Variants in HRC observed in about 807,000 individuals in gnomAD.
HRC encodes histidine rich calcium binding protein.
A neutral mutation model predicts 61.4 loss-of-function variants in HRC; 41 were observed. The observed-to-expected ratio is 0.67, with a 90% CI of 0.52 to 0.87. The LOEUF (loss-of-function observed/expected upper bound fraction) is 0.87, where lower values mean the gene tolerates loss of function less well. Ranked by LOEUF, HRC falls within the 40% of genes least tolerant of loss-of-function variation. The pLI is 0.00. For synonymous variants in HRC, 308 were observed against 326.6 expected, an observed-to-expected ratio of 0.94 and a Z score of 0.62; for missense variants, 839 against 885.8, an observed-to-expected ratio of 0.95 and a Z score of 0.67.
chr19:49,154,901 CTT>C lies in HRC; in HGVS notation c.335_336del (p.Lys112SerfsTer4). 1 of 1,614,210 alleles carries C rather than the reference CTT, an allele frequency of 6.2e-7. No homozygotes were observed. Among genetic ancestry groups the C allele is most frequent in the Non-Finnish European group, 8.5e-7 (1 of 1,180,036 alleles). On this transcript the variant is annotated frameshift_variant, in exon 1 of 6. Coordinates refer to ENST00000252825, the MANE Select transcript of HRC (RefSeq NM_002152.3). LOFTEE classifies it high-confidence loss of function. ...LLPGHRSQDH[K>X]VGDEGVSGEE... ...TCACCTGAGACACCCTCATCTCCGACTTTGTGGTCTTGGGACCTGTGGCCTGG... is the reference window on the plus strand; with the variant it reads ...TCACCTGAGACACCCTCATCTCCGACTGTGGTCTTGGGACCTGTGGCCTGG...
Position 49,152,053 on chromosome 19 carries a change from A to G in HRC, c.1977T>C (p.Cys659=). Residue 659 remains cysteine, a synonymous_variant, in exon 4 of 6, where the codon TGT becomes TGC. Coordinates refer to ENST00000252825, the MANE Select transcript of HRC (RefSeq NM_002152.3). The part of the protein sequence containing the change: ...MGEHCDQCQH[C]QFCYLCPLVC... ...CCAGCGGGCAGAGATAGCAGAACTG[A>G]CAGTGCTGGAGGCGGGGACGGGGAG... 1 of 1,614,052 alleles carries G rather than the reference A, an allele frequency of 6.2e-7. No individual in the cohort carries two copies. The highest frequency in any genetic ancestry group is 1.1e-5 in the South Asian group (1 of 91,086).
intron 2 of HRC, 114 bp from the exon 3 acceptor site, chr19:49,152,492 C>CT (rs2041371383): frequency 8.0e-6 from 6 of 747,300 alleles, no homozygotes; most frequent in Non-Finnish European, 1.3e-5. Context: ...CTCTTTATCT[C>CT]TAACACTGAG....
chr19:49,151,466 C>T lies in HRC; in HGVS notation c.2063+51G>A, dbSNP rs377370122. ...AGTCATCTGATAACTCATAGCGAGACAAGCACTTCTCTAAACGGGGCTTTT... is the reference window on the plus strand; with the variant it reads ...AGTCATCTGATAACTCATAGCGAGATAAGCACTTCTCTAAACGGGGCTTTT... On this transcript the variant is annotated intron_variant, in intron 5 of 5. Transcript: ENST00000252825. The T allele has an allele frequency of 9.4e-5, 151 of 1,600,602 alleles. No individual in the cohort carries two copies. In the Middle Eastern group the frequency reaches 1.5e-3, roughly 16 times the overall value.
chr19:49,153,202 G>C lies in HRC; in HGVS notation c.1902+59C>G. The C allele has an allele frequency of 7.3e-7, 1 of 1,368,118 alleles. No homozygotes were observed. Among genetic ancestry groups the C allele is most frequent in the Non-Finnish European group, 1.0e-6 (1 of 960,196 alleles). 84.7% of individuals were successfully genotyped at this position (1,368,118 alleles called of 1,614,324 possible). Reference sequence around the variant, plus strand: ...TGAGCCCTCCCACAGCACCACCCCAGGGCCCCTGGGACAGATTCTGGGGAC... The same window carrying C: ...TGAGCCCTCCCACAGCACCACCCCACGGCCCCTGGGACAGATTCTGGGGAC... On this transcript the variant is annotated intron_variant, in intron 2 of 5. Coordinates refer to ENST00000252825, the MANE Select transcript of HRC (RefSeq NM_002152.3). The surrounding 1 kb of genome is among the most constrained non-coding windows in gnomAD (Gnocchi z 4.8).
At position 49,154,455 on chromosome 19, in the gene HRC, AT is replaced by A. The variant is rs1555746850; in HGVS notation, c.782del (p.Asp261ValfsTer114). On this transcript the variant is annotated frameshift_variant, in exon 1 of 6. Transcript: ENST00000252825. LOFTEE classifies it high-confidence loss of function. Reference sequence around the variant, plus strand: ...CCTGGTGTCTATATTCAATGGAGACATCATCATCATCATCATCATCATCATC... The same window carrying A: ...CCTGGTGTCTATATTCAATGGAGACACATCATCATCATCATCATCATCATC... ...DDDDDDDDDDDVSIEYRHQAH... is the reference protein window; with the variant it reads ...DDDDDDDDDDXVSIEYRHQAH... 1 of 447,778 alleles carries A rather than the reference AT, an allele frequency of 2.2e-6. No individual in the cohort carries two copies. The highest frequency in any genetic ancestry group is 3.0e-6 in the Non-Finnish European group (1 of 336,256). 27.7% of individuals were successfully genotyped at this position (447,778 alleles called of 1,614,324 possible).
Position 49,152,059 on chromosome 19 carries a change from C to T in HRC, c.1972-1G>A. 1 of 1,614,060 alleles carries T rather than the reference C, an allele frequency of 6.2e-7. No homozygotes were observed. The highest frequency in any genetic ancestry group is 8.5e-7 in the Non-Finnish European group (1 of 1,179,946). ...GGCAGAGATAGCAGAACTGACAGTGCTGGAGGCGGGGACGGGGAGAGAGAG... is the reference window on the plus strand; with the variant it reads ...GGCAGAGATAGCAGAACTGACAGTGTTGGAGGCGGGGACGGGGAGAGAGAG... On this transcript the variant is annotated splice_acceptor_variant, in intron 3 of 5. Coordinates refer to ENST00000252825, the MANE Select transcript of HRC (RefSeq NM_002152.3). LOFTEE classifies it high-confidence loss of function.
chr19:49,151,425 G>A, intron 5 of HRC, 92 bp downstream of exon 5: 1 of 1,573,730 alleles, frequency 6.4e-7, no homozygotes, highest in Non-Finnish European at 8.7e-7. Flanking sequence ...TCATGGACGG[G>A]GAAATGGAGT....
At chr19:49,152,098 T>C (rs1224047982) in intron 3 of HRC, 40 bp from the exon 4 acceptor site, 23 of 1,582,078 alleles carry the variant, frequency 1.5e-5, no homozygotes, top group Non-Finnish European at 2.0e-5. Context: ...GCGTGGGGCG[T>C]GGCCGGGGGC....
Position 49,154,122 on chromosome 19 carries a change from G to T in HRC, c.1116C>A (p.Gly372=). ...WHQGPQHVHH[G]LVDEEEEEEE... ...CTTCTTCCTCTTCCTCATCTACAAG[G>T]CCATGGTGGACATGTTGGGGACCCT... is the stretch of plus-strand genomic sequence containing the variant. Residue 372 remains glycine, a synonymous_variant, in exon 1 of 6, where the codon GGC becomes GGA. Coordinates refer to ENST00000252825, the MANE Select transcript of HRC (RefSeq NM_002152.3). 1 of 1,614,102 alleles carries T rather than the reference G, an allele frequency of 6.2e-7. No homozygotes were observed. The highest frequency in any genetic ancestry group is 1.1e-5 in the South Asian group (1 of 91,056).
In HRC at chr19:49,153,709, T is replaced by A; in HGVS notation, c.1529A>T (p.His510Leu). The A allele has an allele frequency of 6.2e-7, 1 of 1,614,046 alleles. No homozygotes were observed. The highest frequency in any genetic ancestry group is 8.5e-7 in the Non-Finnish European group (1 of 1,179,968). Residue 510 changes from histidine (H) to leucine (L), a missense_variant, in exon 1 of 6, where the codon CAT (histidine) becomes CTT (leucine). Coordinates refer to ENST00000252825, the MANE Select transcript of HRC (RefSeq NM_002152.3). This position sits in a 1 kb window ranked among gnomAD's most constrained non-coding sequence, Gnocchi z 4.8. ...ESSEQGEKGT[H>L]HGSRDQEDEE... ...ATCTTCCTGGTCCCGGCTGCCATGA[T>A]GGGTGCCTTTCTCTCCCTGCTCTGA...
chr19:49,152,519 CA>C, intron 2 of HRC, 141 bp from the exon 3 acceptor site: 1 of 572,366 alleles, frequency 1.7e-6, no homozygotes, highest in South Asian at 2.6e-5. Flanking sequence ...ATCTGCCCCC[CA>C]AACCAGCCTC....
At chr19:49,152,247 C>A in intron 3 of HRC, 63 bp downstream of exon 3, 1 of 1,473,390 alleles carries the variant, frequency 6.8e-7, no homozygotes, top group South Asian at 1.2e-5. Context: ...GGCTGGGGGT[C>A]CTCAGAGGGT....
chr19:49,151,618 G>T, intron 4 of HRC, 65 bp from the exon 5 acceptor site: 1 of 1,433,470 alleles, frequency 7.0e-7, no homozygotes, highest in Non-Finnish European at 9.8e-7. Flanking sequence ...CAGCCACTCA[G>T]TATAGCGTGC....
In HRC at chr19:49,155,073, T is replaced by C; in HGVS notation, c.165A>G (p.Ala55=). 1 of 1,614,224 alleles carries C rather than the reference T, an allele frequency of 6.2e-7. No homozygotes were observed. Among genetic ancestry groups the C allele is most frequent in the Non-Finnish European group, 8.5e-7 (1 of 1,180,040 alleles). The stretch of plus-strand genomic sequence containing the variant: ...GGCTGTGGAGGTGGTGGCGAAGCTC[T>C]GCTGATGCCTCCTCGGAGAGCCCGG... ...GVAGLSEEAS[A]ELRHHLHSPR... The change falls in exon 1 of 6, where the codon GCA becomes GCG. Residue 55 remains alanine (A), a synonymous_variant. Transcript: ENST00000252825. The surrounding 1 kb of genome is among the most constrained non-coding windows in gnomAD (Gnocchi z 4.7).
At position 49,151,810 on chromosome 19, in the gene HRC, T is replaced by A. The variant is rs1451239825; in HGVS notation, c.2026+194A>T. 9.1e-6 allele frequency: 6 copies of A among 657,614 alleles called. No individual in the cohort carries two copies. In the Admixed American group the frequency reaches 1.3e-4, roughly 15 times the overall value. 40.7% of individuals were successfully genotyped at this position (657,614 alleles called of 1,614,324 possible). On this transcript the variant is annotated intron_variant, in intron 4 of 5. Coordinates refer to ENST00000252825, the MANE Select transcript of HRC (RefSeq NM_002152.3). ...CGCATCTCAACCCTCCACTCATTTC[T>A]GTCCCTTGGCTCCAGCAACTCCACC... is the stretch of plus-strand genomic sequence containing the variant.
Position 49,154,727 on chromosome 19 carries a change from T to C in HRC, c.511A>G (p.Ser171Gly), listed in dbSNP as rs139144984. The change falls in exon 1 of 6, where the codon AGT becomes GGT. Residue 171 changes from serine (S) to glycine (G), a missense_variant. By Grantham distance (56) the Ser-to-Gly change is moderately conservative (BLOSUM62 0). Transcript: ENST00000252825. ...QDEDEDEVVS[S>G]EHHHHILRHG... ...CTGAGGATATGATGGTGATGCTCAC[T>C]GGACACAACTTCATCCTCATCCTCG... 305 of 1,613,918 alleles carry C rather than the reference T, an allele frequency of 1.9e-4. 2 individuals are homozygous for C. In the Middle Eastern group the frequency reaches 3.0e-3, roughly 16 times the overall value.
Position 49,152,242 on chromosome 19 carries a change from G to C in HRC, c.1971+68C>G, listed in dbSNP as rs566301203. ...GGTCAGAGGCCAGGATTTAGGGCTG[G>C]GGGTCCTCAGAGGGTCCCGGTGCAT... On this transcript the variant is annotated intron_variant, in intron 3 of 5. Coordinates refer to ENST00000252825, the MANE Select transcript of HRC (RefSeq NM_002152.3). 135 of 1,438,006 alleles carry C rather than the reference G, an allele frequency of 9.4e-5. 1 individual carries two copies. In the African/African-American group the frequency reaches 1.7e-3, roughly 18 times the overall value. The allele number at this position is 1,438,006 out of a possible 1,614,324, so 89.1% of individuals were successfully genotyped here. A position where few individuals can be genotyped will look rare whatever the true frequency, so the allele number is the denominator to read the frequency against.
Position 49,153,002 on chromosome 19 carries a change from A to G in HRC, c.1902+259T>C, listed in dbSNP as rs549330582. On this transcript the variant is annotated intron_variant, in intron 2 of 5. Coordinates refer to ENST00000252825, the MANE Select transcript of HRC (RefSeq NM_002152.3). The surrounding 1 kb of genome is among the most constrained non-coding windows in gnomAD (Gnocchi z 4.8). ...CCCTGTGCCATCCCTCCTTCCCCCG[A>G]CTCTCTTTGCCACAGACCCCTGTCT... is the stretch of plus-strand genomic sequence containing the variant. 1.3e-5 allele frequency among the ~76,000 whole-genome samples: 2 copies of G among 149,618 alleles called. No homozygotes were observed. The highest frequency in any genetic ancestry group is 4.3e-4 in the South Asian group (2 of 4,662).
Position 49,155,081 on chromosome 19 carries a change from C to A in HRC, c.157G>T (p.Ala53Ser). 6.2e-7 allele frequency: 1 copy of A among 1,614,194 alleles called. No individual in the cohort carries two copies. The highest frequency in any genetic ancestry group is 8.5e-7 in the Non-Finnish European group (1 of 1,180,038). ...AGGTGGTGGCGAAGCTCTGCTGATG[C>A]CTCCTCGGAGAGCCCGGCGACTCCA... Reference protein sequence around the residue: ...STGVAGLSEEASAELRHHLHS... With the variant: ...STGVAGLSEESSAELRHHLHS... Residue 53 changes from alanine to serine, a missense_variant, in exon 1 of 6, where the codon GCA becomes TCA. Ala to Ser is a moderately conservative substitution (Grantham distance 99). Transcript: ENST00000252825. The surrounding 1 kb of genome is among the most constrained non-coding windows in gnomAD (Gnocchi z 4.7).
Sources: gnomAD v4.1 joint callset for allele counts (sites outside exome capture counted in the v4.1 genomes callset) on GRCh38, gnomAD v4.1.1 for gene constraint, Gnocchi (gnomAD v3.1) non-coding constraint, MANE v1.5 for transcripts, NCBI Gene and HGNC (gene_info 2026-07-23, HGNC 2026-07-21) for gene names.